The following ABTB3 variants were observed in gnomAD, a reference collection of about 807,000 sequenced individuals.
ABTB3 encodes ankyrin repeat and BTB domain containing 3, also known as ankyrin repeat- and BTB/POZ domain-containing protein 3.
At chr12:107,351,466 A>G in the ABTB3 span, among the ~76,000 whole-genome samples, 3 of 152,166 alleles carry the variant, frequency 2.0e-5, no homozygotes, top group African/African-American at 4.8e-5. Context: ...ATGCCCTACT[A>G]TGATTTGAAT....
At chr12:107,559,864 T>TA in the ABTB3 span, among the ~76,000 whole-genome samples, 1 of 152,038 alleles carries the variant, frequency 6.6e-6, no homozygotes, top group Non-Finnish European at 1.5e-5. Context: ...TTTTTTTTTT[T>TA]ACTGAAAAGT....
the ABTB3 span, among the ~76,000 whole-genome samples, chr12:107,455,033 A>AAG: frequency 6.6e-6 from 1 of 152,234 alleles, no homozygotes; most frequent in Non-Finnish European, 1.5e-5. Context: ...GTCCAAAGAG[A>AAG]AGAGACATTG....
chr12:107,404,179 A>AAAAAAAAAG, the ABTB3 span, among the ~76,000 whole-genome samples: 31 of 142,604 alleles, frequency 2.2e-4, no homozygotes, highest in East Asian at 6.3e-4. Flanking sequence ...AAAAAAAAAA[A>AAAAAAAAAG]AAAAAAAAGG....
the ABTB3 span, among the ~76,000 whole-genome samples, chr12:107,394,345 G>T: frequency 4.6e-5 from 7 of 152,168 alleles, no homozygotes; most frequent in African/African-American, 1.4e-4. Flanking sequence ...CATTAGGAAG[G>T]TTTGTTTCCC....
chr12:107,576,316 C>T, the ABTB3 span, among the ~76,000 whole-genome samples: 1 of 152,178 alleles, frequency 6.6e-6, no homozygotes, highest in African/African-American at 2.4e-5. Context: ...AACAAAATGC[C>T]ATGGACTAGG....
chr12:107,342,595 A>G, the ABTB3 span, among the ~76,000 whole-genome samples: 2 of 151,948 alleles, frequency 1.3e-5, no homozygotes, highest in East Asian at 1.9e-4. Context: ...TGATATTATT[A>G]TTGTCCTATT....
chr12:107,635,494 A>C, the ABTB3 span: 1 of 1,036,870 alleles, frequency 9.6e-7, no homozygotes, highest in Non-Finnish European at 1.4e-6. Flanking sequence ...GTTCAAGGGC[A>C]AACAAGGTCA....
At chr12:107,409,680 C>T in the ABTB3 span, among the ~76,000 whole-genome samples, 1 of 152,118 alleles carries the variant, frequency 6.6e-6, no homozygotes, top group East Asian at 1.9e-4. Flanking sequence ...GGGAGAGGAA[C>T]AACACACACT....
At chr12:107,333,117 C>G in the ABTB3 span, among the ~76,000 whole-genome samples, 2 of 152,288 alleles carry the variant, frequency 1.3e-5, no homozygotes, top group South Asian at 4.2e-4. Context: ...TGCTTTCACC[C>G]CCTCCCTCAT....
chr12:107,412,137 C>T, the ABTB3 span, among the ~76,000 whole-genome samples: 3 of 152,184 alleles, frequency 2.0e-5, no homozygotes, highest in South Asian at 4.1e-4. Flanking sequence ...TTTAATGCTG[C>T]TATCAACAAC....
the ABTB3 span, among the ~76,000 whole-genome samples, chr12:107,509,477 C>T: frequency 2.0e-5 from 3 of 152,238 alleles, no homozygotes; most frequent in African/African-American, 7.2e-5. Flanking sequence ...ACCACAAAGA[C>T]AACAGGATTT....
At chr12:107,418,783 G>C in the ABTB3 span, among the ~76,000 whole-genome samples, 28 of 152,336 alleles carry the variant, frequency 1.8e-4, 1 homozygote, top group Middle Eastern at 0.014. Flanking sequence ...GTTAGAGTTT[G>C]ATGGGGTTGA....
At chr12:107,343,538 C>T in the ABTB3 span, among the ~76,000 whole-genome samples, 2 of 152,160 alleles carry the variant, frequency 1.3e-5, no homozygotes, top group African/African-American at 4.8e-5. Context: ...TGTCAGAGAC[C>T]AAACTAACAG....
the ABTB3 span, among the ~76,000 whole-genome samples, chr12:107,468,292 T>C: frequency 7.0e-4 from 107 of 152,318 alleles, 2 homozygotes; most frequent in Admixed American, 3.5e-3. Flanking sequence ...TTTTCACTTC[T>C]GTGGGCCTGG....
the ABTB3 span, among the ~76,000 whole-genome samples, chr12:107,326,084 T>C: frequency 6.6e-6 from 1 of 152,162 alleles, no homozygotes; most frequent in African/African-American, 2.4e-5. Flanking sequence ...TTTGTATTTT[T>C]AGTAGAGAAG....
chr12:107,590,055 G>T, the ABTB3 span, among the ~76,000 whole-genome samples: 1 of 152,138 alleles, frequency 6.6e-6, no homozygotes, highest in Admixed American at 6.5e-5. Context: ...GATTACAGGT[G>T]CCCACCACCA....
the ABTB3 span, among the ~76,000 whole-genome samples, chr12:107,389,708 C>G: frequency 6.6e-6 from 1 of 151,844 alleles, no homozygotes; most frequent in East Asian, 1.9e-4. Context: ...GCTCCAACAA[C>G]GTCAGCTGGG....
chr12:107,600,932 G>T, the ABTB3 span, among the ~76,000 whole-genome samples: 1 of 152,226 alleles, frequency 6.6e-6, no homozygotes, highest in Non-Finnish European at 1.5e-5. Flanking sequence ...GGAAAGACCT[G>T]CCCTGGGATT....
At chr12:107,631,472 T>G in the ABTB3 span, among the ~76,000 whole-genome samples, 1 of 152,200 alleles carries the variant, frequency 6.6e-6, no homozygotes, top group Admixed American at 6.5e-5. Context: ...ATATGCCCAG[T>G]AATGGGATTT....
Sources: gnomAD v4.1 joint callset for allele counts (sites outside exome capture counted in the v4.1 genomes callset) on GRCh38, gnomAD v4.1.1 for gene constraint, MANE v1.5 for transcripts, NCBI Gene and HGNC (gene_info 2026-07-23, HGNC 2026-07-21) for gene names.